PARD3B: variants seen among roughly 807,000 people sequenced by gnomAD.
PARD3B encodes the protein par-3 family cell polarity regulator beta, also known as partitioning defective 3 homolog B.
PARD3B carries 103 observed loss-of-function variants against 130.2 expected under a neutral mutation model. That is an observed-to-expected ratio of 0.79 (90% CI 0.67 to 0.93). The LOEUF is 0.93. PARD3B is among the 40% of genes least tolerant of loss of function. The pLI, the probability that PARD3B is intolerant of heterozygous loss-of-function variation, is 0.00. For synonymous variants in PARD3B, 583 were observed against 553.2 expected, an observed-to-expected ratio of 1.05 and a Z score of -0.76; for missense variants, 1,609 against 1,499.2, an observed-to-expected ratio of 1.07 and a Z score of -1.21.
chr2:205,484,994 T>C (rs1312499200), intron 20 of PARD3B, among the ~76,000 whole-genome samples: 1 of 152,142 alleles, frequency 6.6e-6, no homozygotes, highest in Non-Finnish European at 1.5e-5. Context: ...CGACAACTCA[T>C]TCACTGTTCA....
chr2:204,611,169 T>TTTA (rs2033908247), intron 1 of PARD3B, among the ~76,000 whole-genome samples: 2 of 152,188 alleles, frequency 1.3e-5, no homozygotes, highest in Admixed American at 1.3e-4. Context: ...TGAGTCCTAA[T>TTTA]GTATCAGAGA....
In PARD3B at chr2:205,280,938, C is replaced by T. The variant is rs1016342784; in HGVS notation, c.2186-19592C>T. On this transcript the variant is annotated intron_variant, in intron 16 of 22. Coordinates refer to ENST00000406610, the MANE Select transcript of PARD3B (RefSeq NM_001302769.2). This position sits in a 1 kb window ranked among gnomAD's most constrained non-coding sequence, Gnocchi z 4.7. The stretch of plus-strand genomic sequence containing the variant: ...TATTGATTCCTTTTATTACTAGCAG[C>T]CGTTTAACCTGACCTCTTCCAGATC... Among the ~76,000 whole-genome samples, 1 of 152,166 alleles carries T rather than the reference C, an allele frequency of 6.6e-6. No individual in the cohort carries two copies. The highest frequency in any genetic ancestry group is 1.5e-5 in the Non-Finnish European group (1 of 68,026).
At chr2:205,079,098 A>G (rs184691233) in intron 4 of PARD3B, among the ~76,000 whole-genome samples, 41 of 152,346 alleles carry the variant, frequency 2.7e-4, no homozygotes, top group African/African-American at 9.4e-4. Flanking sequence ...ACCAGAATAC[A>G]TATTGCTTTA....
chr2:204,764,965 C>T lies in PARD3B; in HGVS notation c.222+78683C>T, dbSNP rs146560048. 3.4e-3 allele frequency among the ~76,000 whole-genome samples: 522 copies of T among 151,842 alleles called. 3 individuals are homozygous for T. The highest frequency in any genetic ancestry group is 0.012 in the African/African-American group (495 of 41,364). On this transcript the variant is annotated intron_variant, in intron 2 of 22. Coordinates refer to ENST00000406610, the MANE Select transcript of PARD3B (RefSeq NM_001302769.2). ...TTTTTTTGTAATTCTGATTAATATT[C>T]CAGTGAGACTTTAGAGAAGGGAAGG...
chr2:204,634,666 A>G (rs1574589007), intron 1 of PARD3B, among the ~76,000 whole-genome samples: 1 of 152,002 alleles, frequency 6.6e-6, no homozygotes, highest in African/African-American at 2.4e-5. Context: ...TCTGTTCTAC[A>G]TATTTATTTT....
intron 2 of PARD3B, among the ~76,000 whole-genome samples, chr2:204,865,989 T>G (rs2045397358): frequency 6.6e-6 from 1 of 152,200 alleles, no homozygotes; most frequent in South Asian, 2.1e-4. Flanking sequence ...ATCCTGCCTG[T>G]GGCCAGAGCT....
At chr2:205,222,748 T>C (rs372066074) in intron 15 of PARD3B, among the ~76,000 whole-genome samples, 81 of 152,286 alleles carry the variant, frequency 5.3e-4, no homozygotes, top group Middle Eastern at 6.8e-3. Context: ...TCATGAAAGC[T>C]TTTACAATTT....
At chr2:204,660,120 C>T (rs185377524) in intron 1 of PARD3B, among the ~76,000 whole-genome samples, 13 of 152,248 alleles carry the variant, frequency 8.5e-5, no homozygotes, top group Admixed American at 3.9e-4. Flanking sequence ...TAATGTATTT[C>T]TTTTTCATCT....
Position 205,121,520 on chromosome 2 carries a change from C to T in PARD3B, c.807-71C>T. 1 of 1,365,544 alleles carries T rather than the reference C, an allele frequency of 7.3e-7. No individual in the cohort carries two copies. The highest frequency in any genetic ancestry group is 1.0e-6 in the Non-Finnish European group (1 of 976,796). 84.6% of individuals were successfully genotyped at this position (1,365,544 alleles called of 1,614,324 possible). A position where few individuals can be genotyped will look rare whatever the true frequency, so the allele number is the denominator to read the frequency against. ...CACTGTGCTGCTCTTGGTTGCCATC[C>T]TCCTGGGGTACTTTAGAAGATGCTG... On this transcript the variant is annotated intron_variant, in intron 7 of 22. Transcript: ENST00000406610. This position sits in a 1 kb window ranked among gnomAD's most constrained non-coding sequence, Gnocchi z 5.0.
intron 21 of PARD3B, among the ~76,000 whole-genome samples, chr2:205,523,553 AAAAT>A (rs142715449): frequency 7.8e-4 from 118 of 152,236 alleles, no homozygotes; most frequent in Middle Eastern, 3.4e-3. Flanking sequence ...GTCAACATCA[AAAAT>A]AAATAATCTT....
chr2:205,593,254 G>C (rs1303131087), intron 22 of PARD3B, among the ~76,000 whole-genome samples: 1 of 152,142 alleles, frequency 6.6e-6, no homozygotes, highest in Non-Finnish European at 1.5e-5. Flanking sequence ...AGAACAACAA[G>C]TAAATTTAAA....
At position 205,287,488 on chromosome 2, in the gene PARD3B, C is replaced by A. The variant is rs1229881159; in HGVS notation, c.2186-13042C>A. ...TAGATTCTCCCAGTAACCCCAGTAA[C>A]AAAGACTGCTCACTCTACCAGGCTT... On this transcript the variant is annotated intron_variant, in intron 16 of 22. Transcript: ENST00000406610. This position sits in a 1 kb window ranked among gnomAD's most constrained non-coding sequence, Gnocchi z 4.8. Among the ~76,000 whole-genome samples, 2 of 152,120 alleles carry A rather than the reference C, an allele frequency of 1.3e-5. No individual in the cohort carries two copies. Among genetic ancestry groups the A allele is most frequent in the African/African-American group, 4.8e-5 (2 of 41,426 alleles).
chr2:205,414,973 A>G (rs560420907), intron 19 of PARD3B, among the ~76,000 whole-genome samples: 35 of 152,294 alleles, frequency 2.3e-4, no homozygotes, highest in African/African-American at 7.9e-4. Flanking sequence ...AAGATAATGT[A>G]TGGTGTGATT....
At chr2:205,337,154 A>G (rs1363771126) in intron 18 of PARD3B, among the ~76,000 whole-genome samples, 5 of 152,212 alleles carry the variant, frequency 3.3e-5, no homozygotes, top group Non-Finnish European at 7.3e-5. Flanking sequence ...TCAACCAAAT[A>G]CATGCTTCAC....
intron 2 of PARD3B, among the ~76,000 whole-genome samples, chr2:204,736,446 G>A (rs1275802078): frequency 6.6e-6 from 1 of 151,850 alleles, no homozygotes. Context: ...CTCCTCCTGA[G>A]TCTCTAATGT....
chr2:204,599,613 A>G (rs2033428714), intron 1 of PARD3B, among the ~76,000 whole-genome samples: 2 of 151,946 alleles, frequency 1.3e-5, no homozygotes, highest in African/African-American at 2.4e-5. Context: ...GGATGATTCC[A>G]TATCTTGGTT....
intron 2 of PARD3B, among the ~76,000 whole-genome samples, chr2:204,926,548 C>T (rs906571993): frequency 2.7e-4 from 41 of 152,176 alleles, no homozygotes; most frequent in East Asian, 1.7e-3. Flanking sequence ...GAAGCCCCAG[C>T]GCAGTACTAT....
chr2:205,564,856 C>T lies in PARD3B; in HGVS notation c.3260+11453C>T, dbSNP rs187353866. Among the ~76,000 whole-genome samples the T allele has an allele frequency of 1.1e-4, 16 of 152,324 alleles. No homozygotes were observed. Among genetic ancestry groups the T allele is most frequent in the South Asian group, 2.1e-4 (1 of 4,830 alleles). Reference sequence around the variant, plus strand: ...GGTACAAAAACAGCAGCCTCCAGAACGTGTTCCTGCTTCTATTCCAAGTCT... The same window carrying T: ...GGTACAAAAACAGCAGCCTCCAGAATGTGTTCCTGCTTCTATTCCAAGTCT... On this transcript the variant is annotated intron_variant, in intron 22 of 22. Coordinates refer to ENST00000406610, the MANE Select transcript of PARD3B (RefSeq NM_001302769.2). This position sits in a 1 kb window ranked among gnomAD's most constrained non-coding sequence, Gnocchi z 4.6.
chr2:205,282,400 T>C (rs2041223146), intron 16 of PARD3B, among the ~76,000 whole-genome samples: 1 of 151,578 alleles, frequency 6.6e-6, no homozygotes, highest in African/African-American at 2.4e-5. Context: ...TTAATTCAAG[T>C]GATGTTTACA....
Sources: gnomAD v4.1 joint callset for allele counts (sites outside exome capture counted in the v4.1 genomes callset) on GRCh38, gnomAD v4.1.1 for gene constraint, Gnocchi (gnomAD v3.1) non-coding constraint, MANE v1.5 for transcripts, NCBI Gene and HGNC (gene_info 2026-07-23, HGNC 2026-07-21) for gene names.